The following SEM1 variants were observed in gnomAD, a reference collection of about 807,000 sequenced individuals.
SEM1 encodes SEM1 26S proteasome subunit.
SEM1 carries 3 observed loss-of-function variants against 12.7 expected under a neutral mutation model. That is an observed-to-expected ratio of 0.24 (90% CI 0.11 to 0.61). SEM1 has a LOEUF of 0.61. Ranked by LOEUF, SEM1 falls within the 20% of genes least tolerant of loss-of-function variation. The pLI, the probability that SEM1 is intolerant of heterozygous loss-of-function variation, is 0.88. For missense variants in SEM1, 59 were observed against 81.3 expected, an observed-to-expected ratio of 0.73 and a Z score of 1.06; for synonymous variants, 30 against 27.8, an observed-to-expected ratio of 1.08 and a Z score of -0.25.
chr7:96,709,015 A>C (rs1465849962), intron 1 of SEM1, among the ~76,000 whole-genome samples: 1 of 152,020 alleles, frequency 6.6e-6, no homozygotes, highest in Non-Finnish European at 1.5e-5. Flanking sequence ...GGGTCTCGCT[A>C]TGTTGCCCAG....
chr7:96,696,515 T>A (rs1403693495), intron 1 of SEM1: 1 of 151,914 alleles, frequency 6.6e-6, no homozygotes, highest in East Asian at 1.9e-4. Context: ...CTTCCAATTA[T>A]CATAGATGAG....
upstream of SEM1, among the ~76,000 whole-genome samples, chr7:96,500,146 A>G (rs914034914): frequency 3.9e-5 from 6 of 152,080 alleles, no homozygotes; most frequent in Admixed American, 2.6e-4. Flanking sequence ...CCATAGATAC[A>G]TTTTAGTCTC....
exon 3 of SEM1, chr7:96,506,682 C>T (rs1027429861): frequency 3.3e-5 from 5 of 151,898 alleles, no homozygotes; most frequent in African/African-American, 1.2e-4. Context: ...TCAAACAGAG[C>T]CTACCCATTT....
chr7:96,554,796 G>A (rs1028525732), intron 2 of SEM1, among the ~76,000 whole-genome samples: 3 of 151,408 alleles, frequency 2.0e-5, no homozygotes, highest in Non-Finnish European at 4.4e-5. Context: ...TGTACCTCTG[G>A]TAGAATTCGG....
intron 2 of SEM1, among the ~76,000 whole-genome samples, chr7:96,643,372 T>C (rs1808677942): frequency 6.6e-6 from 1 of 152,132 alleles, no homozygotes; most frequent in African/African-American, 2.4e-5. Flanking sequence ...TATTATACTT[T>C]AAGTTCTGGG....
chr7:96,683,627 A>G (rs931843374), intron 2 of SEM1, among the ~76,000 whole-genome samples: 1 of 152,212 alleles, frequency 6.6e-6, no homozygotes, highest in Non-Finnish European at 1.5e-5. Flanking sequence ...ACTTGGAACC[A>G]ACCCAAATGG....
chr7:96,704,667 C>T (rs1790390520), intron 1 of SEM1, among the ~76,000 whole-genome samples: 1 of 152,104 alleles, frequency 6.6e-6, no homozygotes, highest in South Asian at 2.1e-4. Flanking sequence ...TTTCTTGCTA[C>T]CACCATGTAA....
At chr7:96,676,967 C>T (rs1415006991) in intron 2 of SEM1, among the ~76,000 whole-genome samples, 1 of 152,168 alleles carries the variant, frequency 6.6e-6, no homozygotes, top group African/African-American at 2.4e-5. Flanking sequence ...TACTTCCATT[C>T]CCCATAAAAG....
At chr7:96,607,406 A>G (rs1807413489) in intron 2 of SEM1, among the ~76,000 whole-genome samples, 1 of 152,178 alleles carries the variant, frequency 6.6e-6, no homozygotes, top group African/African-American at 2.4e-5. Flanking sequence ...TCATTTTGAG[A>G]GTTTAGAATA....
intron 2 of SEM1, among the ~76,000 whole-genome samples, chr7:96,665,375 C>T (rs889964984): frequency 6.6e-6 from 1 of 152,086 alleles, no homozygotes; most frequent in African/African-American, 2.4e-5. Flanking sequence ...GTATATTTCC[C>T]GCCTAAAAAT....
Position 96,692,178 on chromosome 7 carries a change from T to C in SEM1, c.170+2620A>G, listed in dbSNP as rs551710497. Among the ~76,000 whole-genome samples, 18 of 152,290 alleles carry C rather than the reference T, an allele frequency of 1.2e-4. No homozygotes were observed. In the South Asian group the frequency reaches 3.3e-3, roughly 28 times the overall value. On this transcript the variant is annotated intron_variant, in intron 2 of 2. Transcript: ENST00000248566. ...AAAGCAATAAAAAGGCAACATGTAA[T>C]GATGTGAAATCTAATTATCAATACA...
intron 2 of SEM1, among the ~76,000 whole-genome samples, chr7:96,521,041 A>G (rs1308436306): frequency 6.6e-6 from 1 of 151,864 alleles, no homozygotes; most frequent in Admixed American, 6.6e-5. Context: ...AAAACCTCAC[A>G]AAAAAAAGGG....
intron 2 of SEM1, among the ~76,000 whole-genome samples, chr7:96,682,510 T>C (rs769834829): frequency 2.0e-5 from 3 of 152,068 alleles, no homozygotes; most frequent in South Asian, 2.1e-4. Flanking sequence ...CAGTATGACA[T>C]TGGCTGTGGG....
intron 2 of SEM1, among the ~76,000 whole-genome samples, chr7:96,590,518 A>G (rs572009143): frequency 2.6e-5 from 4 of 152,346 alleles, no homozygotes; most frequent in East Asian, 1.9e-4. Flanking sequence ...CGTAATGATT[A>G]TATATACTGG....
chr7:96,579,866 A>G (rs1403433175), intron 2 of SEM1, among the ~76,000 whole-genome samples: 1 of 152,194 alleles, frequency 6.6e-6, no homozygotes, highest in Non-Finnish European at 1.5e-5. Context: ...AAGGGTGCAT[A>G]GGACCTCTGT....
intron 1 of SEM1, among the ~76,000 whole-genome samples, chr7:96,702,299 G>A (rs1260743500): frequency 1.3e-5 from 2 of 152,116 alleles, no homozygotes; most frequent in South Asian, 2.1e-4. Flanking sequence ...TCCACTTAGA[G>A]GGTCTGGGAG....
chr7:96,498,864 A>G (rs1803400628), upstream of SEM1, among the ~76,000 whole-genome samples: 1 of 152,174 alleles, frequency 6.6e-6, no homozygotes, highest in Non-Finnish European at 1.5e-5. Context: ...GTAGAGAATC[A>G]TTCTTGAAAA....
intron 2 of SEM1, among the ~76,000 whole-genome samples, chr7:96,692,693 A>G (rs565129570): frequency 5.9e-5 from 9 of 152,278 alleles, no homozygotes; most frequent in African/African-American, 2.2e-4. Flanking sequence ...GAAGAATGAG[A>G]AAGAGCAGGT....
intron 1 of SEM1, among the ~76,000 whole-genome samples, chr7:96,708,847 G>A (rs1038883065): frequency 2.0e-5 from 3 of 151,980 alleles, no homozygotes; most frequent in African/African-American, 7.3e-5. Flanking sequence ...TACAAGTAAA[G>A]CACTTAGACA....
Sources: allele counts gnomAD v4.1 joint callset (sites outside exome capture counted in the v4.1 genomes callset), GRCh38; gene constraint gnomAD v4.1.1; transcripts MANE v1.5; gene names NCBI Gene and HGNC (gene_info 2026-07-23, HGNC 2026-07-21).